Variants in NECTIN1 observed in about 807,000 individuals in gnomAD.
NECTIN1 encodes nectin cell adhesion molecule 1.
Under a neutral mutation model 48.0 loss-of-function variants are expected in NECTIN1, and 23 were observed. The observed-to-expected ratio is 0.48, with a 90% CI of 0.34 to 0.68. The LOEUF (loss-of-function observed/expected upper bound fraction) is 0.68, where lower values mean the gene tolerates loss of function less well. Among genes scored for constraint, NECTIN1 ranks in the 30% least tolerant of loss-of-function variants. The pLI, the probability that NECTIN1 is intolerant of heterozygous loss-of-function variation, is 0.01. For synonymous variants in NECTIN1, 270 were observed against 288.9 expected, an observed-to-expected ratio of 0.93 and a Z score of 0.66; for missense variants, 591 against 709.9, an observed-to-expected ratio of 0.83 and a Z score of 1.90.
At chr11:119,654,228 T>C (rs914976517) in intron 5 of NECTIN1, 1 of 151,674 alleles carries the variant, frequency 6.6e-6, no homozygotes. Flanking sequence ...CTCAAAGGTT[T>C]ACTTGCCCAT....
In NECTIN1 at chr11:119,664,919, T is replaced by C; in HGVS notation, c.1382A>G (p.Asp461Gly). 1 of 1,613,736 alleles carries C rather than the reference T, an allele frequency of 6.2e-7. No individual in the cohort carries two copies. Among genetic ancestry groups the C allele is most frequent in the Non-Finnish European group, 8.5e-7 (1 of 1,179,896 alleles). The change falls in exon 6 of 6, where the codon GAC becomes GGC. Residue 461 changes from aspartate to glycine, a missense_variant. By Grantham distance (94) the Asp-to-Gly change is moderately conservative. Coordinates refer to ENST00000264025, the MANE Select transcript of NECTIN1 (RefSeq NM_002855.5). Reference protein sequence around the residue: ...RKVGGPHPKYDEDAKRPYFTV... With the variant: ...RKVGGPHPKYGEDAKRPYFTV... ...GAAGTAGGGCCGCTTGGCGTCCTCG[T>C]CATATTTGGGGTGGGGGCCGCCCAC...
chr11:119,664,444 C>T lies in NECTIN1; in HGVS notation c.*303G>A, dbSNP rs113478149. On this transcript the variant is annotated 3_prime_UTR_variant, in exon 6 of 6. Coordinates refer to ENST00000264025, the MANE Select transcript of NECTIN1 (RefSeq NM_002855.5). The stretch of plus-strand genomic sequence containing the variant: ...TGGAGGGATGCCCAGGTACACAAGA[C>T]GAGAACAGGGCTCCCTACACAGAGG... 30 of 1,188,058 alleles carry T rather than the reference C, an allele frequency of 2.5e-5. No individual in the cohort carries two copies. The highest frequency in any genetic ancestry group is 1.2e-4 in the African/African-American group (8 of 64,336). The allele number at this position is 1,188,058 out of a possible 1,614,324, so 73.6% of individuals were successfully genotyped here.
chr11:119,677,886 C>T lies in NECTIN1; in HGVS notation c.431-29G>A. On this transcript the variant is annotated intron_variant, in intron 2 of 5. Transcript: ENST00000264025. The surrounding 1 kb of genome is among the most constrained non-coding windows in gnomAD (Gnocchi z 5.4). ...CGAGGAAGCAGAGAGAGTGATGGGA[C>T]TAGCCCTGTTGACTTGTCCAAGATG... The T allele has an allele frequency of 1.2e-6, 2 of 1,609,084 alleles. No individual in the cohort carries two copies. The highest frequency in any genetic ancestry group is 1.7e-6 in the Non-Finnish European group (2 of 1,176,500).
chr11:119,728,657 T>C lies in NECTIN1; in HGVS notation c.-104A>G. Reference sequence around the variant, plus strand: ...AAGATCGCTGGCGGTCGGCGGGCGCTCGAAGGATCCAGGTCAGCTGCAGCC... The same window carrying C: ...AAGATCGCTGGCGGTCGGCGGGCGCCCGAAGGATCCAGGTCAGCTGCAGCC... On this transcript the variant is annotated 5_prime_UTR_variant, in exon 1 of 6. Transcript: ENST00000264025. 1 of 316,944 alleles carries C rather than the reference T, an allele frequency of 3.2e-6. No homozygotes were observed. The highest frequency in any genetic ancestry group is 5.3e-6 in the Non-Finnish European group (1 of 189,336). The allele number at this position is 316,944 out of a possible 1,614,324, so 19.6% of individuals were successfully genotyped here.
At chr11:119,670,314 G>A (rs1487460007) in intron 5 of NECTIN1, among the ~76,000 whole-genome samples, 4 of 152,138 alleles carry the variant, frequency 2.6e-5, no homozygotes, top group Non-Finnish European at 4.4e-5. Flanking sequence ...ATGCGAAAAC[G>A]TAAGCTCCAC....
At chr11:119,693,163 C>A (rs562243300) in intron 1 of NECTIN1, among the ~76,000 whole-genome samples, 1 of 152,282 alleles carries the variant, frequency 6.6e-6, no homozygotes, top group Admixed American at 6.5e-5. Context: ...CTTGCCTCCT[C>A]GTCCCAGAGC....
In NECTIN1 at chr11:119,709,047, C is replaced by T. The variant is rs1459586626; in HGVS notation, c.79+19428G>A. On this transcript the variant is annotated intron_variant, in intron 1 of 5. Transcript: ENST00000264025. This position sits in a 1 kb window ranked among gnomAD's most constrained non-coding sequence, Gnocchi z 4.1. ...GGCACCGGAGAGATCCTGAGACACT[C>T]TACCCCCCACGCCCGCCCACATAGC... Among the ~76,000 whole-genome samples, 2 of 152,160 alleles carry T rather than the reference C, an allele frequency of 1.3e-5. No individual in the cohort carries two copies. Among genetic ancestry groups the T allele is most frequent in the African/African-American group, 4.8e-5 (2 of 41,504 alleles).
chr11:119,688,274 C>G (rs1865193669), intron 1 of NECTIN1, among the ~76,000 whole-genome samples: 1 of 152,140 alleles, frequency 6.6e-6, no homozygotes, highest in South Asian at 2.1e-4. Context: ...GCTATACAAG[C>G]AGTTGTATTA....
At position 119,672,151 on chromosome 11, in the gene NECTIN1, T is replaced by C. The variant is rs1271761414; in HGVS notation, c.1003+3008A>G. On this transcript the variant is annotated intron_variant, in intron 5 of 5. Transcript: ENST00000264025. This position sits in a 1 kb window ranked among gnomAD's most constrained non-coding sequence, Gnocchi z 4.3. ...GGATGAGCCCGGGCTTCACTGGAAA[T>C]GTGAGTTGGGACAGACGCCCTGCAC... 6.6e-6 allele frequency among the ~76,000 whole-genome samples: 1 copy of C among 152,280 alleles called. No homozygotes were observed. The highest frequency in any genetic ancestry group is 1.9e-4 in the East Asian group (1 of 5,180).
chr11:119,669,368 G>A (rs1453148275), intron 5 of NECTIN1, among the ~76,000 whole-genome samples: 1 of 147,658 alleles, frequency 6.8e-6, no homozygotes. Flanking sequence ...CCAAGTTTGT[G>A]CCATTGCACT....
rs1565390506 is a variant in NECTIN1 at position 119,683,026 on chromosome 11, C to T, written c.80-4261G>A. Among the ~76,000 whole-genome samples, 2 of 152,182 alleles carry T rather than the reference C, an allele frequency of 1.3e-5. No homozygotes were observed. The highest frequency in any genetic ancestry group is 2.9e-5 in the Non-Finnish European group (2 of 68,034). ...CCTGTCTCCCAACCAATTGTAAGCC[C>T]CTGCAGGAGATGAAAGGAGCAGGCC... On this transcript the variant is annotated intron_variant, in intron 1 of 5. Coordinates refer to ENST00000264025, the MANE Select transcript of NECTIN1 (RefSeq NM_002855.5). The surrounding 1 kb of genome is among the most constrained non-coding windows in gnomAD (Gnocchi z 4.0).
rs889179187 is a variant in NECTIN1, at chr11:119,677,101, C to T, written c.851+1G>A. On this transcript the variant is annotated splice_donor_variant, in intron 4 of 5. Coordinates refer to ENST00000264025, the MANE Select transcript of NECTIN1 (RefSeq NM_002855.5). LOFTEE classifies it high-confidence loss of function. The surrounding 1 kb of genome is among the most constrained non-coding windows in gnomAD (Gnocchi z 5.4). ...TGACTGGTCAGCCCTGCAGCACTTACGTGGTCCAGTGGTACTCAGTGGCTG... is the reference window on the plus strand; with the variant it reads ...TGACTGGTCAGCCCTGCAGCACTTATGTGGTCCAGTGGTACTCAGTGGCTG... 18 of 1,613,224 alleles carry T rather than the reference C, an allele frequency of 1.1e-5. No individual in the cohort carries two copies. The Admixed American group carries it at 2.2e-4, about 19-fold the overall frequency.
At chr11:119,655,936 C>T (rs868804265) in intron 5 of NECTIN1, among the ~76,000 whole-genome samples, 5 of 152,174 alleles carry the variant, frequency 3.3e-5, no homozygotes, top group Admixed American at 6.5e-5. Flanking sequence ...CTCACTCTGT[C>T]GCTTATCCTG....
chr11:119,724,438 G>A (rs1865877323), intron 1 of NECTIN1, among the ~76,000 whole-genome samples: 1 of 152,068 alleles, frequency 6.6e-6, no homozygotes, highest in African/African-American at 2.4e-5. Context: ...TAAAGCCAAG[G>A]GCAGAACAGA....
intron 1 of NECTIN1, among the ~76,000 whole-genome samples, chr11:119,704,632 C>T (rs1865516530): frequency 6.6e-6 from 1 of 152,188 alleles, no homozygotes; most frequent in African/African-American, 2.4e-5. Flanking sequence ...TGGGTGCTCC[C>T]AGCTTCTACC....
rs1865600908 is a variant in NECTIN1 at position 119,709,537 on chromosome 11, G to A, written c.79+18938C>T. 6.6e-6 allele frequency among the ~76,000 whole-genome samples: 1 copy of A among 152,166 alleles called. No individual in the cohort carries two copies. Among genetic ancestry groups the A allele is most frequent in the African/African-American group, 2.4e-5 (1 of 41,434 alleles). On this transcript the variant is annotated intron_variant, in intron 1 of 5. Coordinates refer to ENST00000264025, the MANE Select transcript of NECTIN1 (RefSeq NM_002855.5). The surrounding 1 kb of genome is among the most constrained non-coding windows in gnomAD (Gnocchi z 4.1). ...TCACTTCCAGGGGTGGAGGTTCAGG[G>A]GTTGGGGAAGGGAAGGGCTAGCTCC... is the stretch of plus-strand genomic sequence containing the variant.
At chr11:119,670,996 A>G (rs1251452948) in intron 5 of NECTIN1, among the ~76,000 whole-genome samples, 1 of 152,002 alleles carries the variant, frequency 6.6e-6, no homozygotes, top group Non-Finnish European at 1.5e-5. Context: ...TTTTGGGACC[A>G]AAGAACCCCG....
At chr11:119,676,896 T>C (rs1342633613) in intron 4 of NECTIN1, 4 of 609,464 alleles carry the variant, frequency 6.6e-6, no homozygotes, top group African/African-American at 5.5e-5. Flanking sequence ...GCTTGTTCCA[T>C]TGACCTTGAC....
chr11:119,665,321 G>C lies in NECTIN1; in HGVS notation c.1004-24C>G. ...TTCTGGGTGAGGAAAAGAGATGGAGGGGACAGCATCAGCGTGTGCTCCTGG... is the reference window on the plus strand; with the variant it reads ...TTCTGGGTGAGGAAAAGAGATGGAGCGGACAGCATCAGCGTGTGCTCCTGG... On this transcript the variant is annotated intron_variant, in intron 5 of 5. Coordinates refer to ENST00000264025, the MANE Select transcript of NECTIN1 (RefSeq NM_002855.5). This position sits in a 1 kb window ranked among gnomAD's most constrained non-coding sequence, Gnocchi z 5.1. 6.4e-7 allele frequency: 1 copy of C among 1,568,234 alleles called. No homozygotes were observed. Among genetic ancestry groups the C allele is most frequent in the African/African-American group, 1.3e-5 (1 of 74,540 alleles).
Sources: gnomAD v4.1 joint callset for allele counts (sites outside exome capture counted in the v4.1 genomes callset) on GRCh38, gnomAD v4.1.1 for gene constraint, Gnocchi (gnomAD v3.1) non-coding constraint, MANE v1.5 for transcripts, NCBI Gene and HGNC (gene_info 2026-07-23, HGNC 2026-07-21) for gene names.